Variants in ZMYM2 observed in about 807,000 individuals in gnomAD.
The protein encoded by ZMYM2 is zinc finger MYM-type protein 2.
In ZMYM2, 56 loss-of-function variants were observed where a neutral mutation model predicts 162.8. The observed-to-expected ratio is 0.34, with a 90% CI of 0.28 to 0.43. ZMYM2 has a LOEUF of 0.43. Among genes scored for constraint, ZMYM2 ranks in the 20% least tolerant of loss-of-function variants. ZMYM2 has a pLI of 1.00. For synonymous variants in ZMYM2, 510 were observed against 541.6 expected, an observed-to-expected ratio of 0.94 and a Z score of 0.81; for missense variants, 1,275 against 1,621.8, an observed-to-expected ratio of 0.79 and a Z score of 3.67.
the ZMYM2 span, among the ~76,000 whole-genome samples, chr13:19,932,441 A>T: frequency 4.6e-4 from 70 of 152,142 alleles, 1 homozygote; most frequent in South Asian, 0.014. Flanking sequence ...TGAGGTCAGG[A>T]GTTCAAGACC....
rs1320062202 is a variant in ZMYM2, at chr13:20,052,426, T to TAC, written c.2493+116_2493+117dup. 3.4e-6 allele frequency: 3 copies of TAC among 871,112 alleles called. No homozygotes were observed. The East Asian group carries it at 8.3e-5, about 24-fold the overall frequency. 54.0% of individuals were successfully genotyped at this position (871,112 alleles called of 1,614,324 possible). On this transcript the variant is annotated intron_variant, in intron 14 of 24. Coordinates refer to ENST00000610343, the MANE Select transcript of ZMYM2 (RefSeq NM_197968.4). ...AATTTTTTTGGTTTTTTTTTTGCTT[T>TAC]ACTGAGACGGTGGAGTATTCAGCTG...
rs564578906 is a variant in ZMYM2 at position 19,994,650 on chromosome 13, T to G, written c.847+731T>G. ...GATTATAGGCGTCCACCACCACGCA[T>G]GGCTAATTTTTGTATTTTGTATGGG... On this transcript the variant is annotated intron_variant, in intron 3 of 24. Transcript: ENST00000610343. Among the ~76,000 whole-genome samples, 7 of 152,046 alleles carry G rather than the reference T, an allele frequency of 4.6e-5. No homozygotes were observed. In the South Asian group the frequency reaches 1.5e-3, roughly 32 times the overall value.
intron 6 of ZMYM2, among the ~76,000 whole-genome samples, chr13:20,015,050 C>T (rs996070035): frequency 2.0e-5 from 3 of 151,954 alleles, no homozygotes; most frequent in Admixed American, 1.3e-4. Flanking sequence ...TGTGAGCCAC[C>T]GTGCCTGGAC....
chr13:20,066,787 G>C (rs1956713762), intron 19 of ZMYM2, 64 bp from the exon 20 acceptor site: 3 of 1,417,918 alleles, frequency 2.1e-6, no homozygotes, highest in Non-Finnish European at 2.8e-6. Flanking sequence ...GAGATGGCTT[G>C]TATAAAGTAA....
intron 2 of ZMYM2, among the ~76,000 whole-genome samples, chr13:19,984,368 T>C (rs780896518): frequency 6.6e-6 from 1 of 152,204 alleles, no homozygotes; most frequent in Non-Finnish European, 1.5e-5. Context: ...GCTTAAAAAT[T>C]AATTGGAAAC....
intron 6 of ZMYM2, among the ~76,000 whole-genome samples, chr13:20,010,755 C>T (rs1163944056): frequency 1.3e-5 from 2 of 152,172 alleles, no homozygotes; most frequent in African/African-American, 4.8e-5. Context: ...ATTCTCCTGC[C>T]TCAGCCTCCT....
intron 12 of ZMYM2, among the ~76,000 whole-genome samples, chr13:20,041,989 AT>A (rs1315034786): frequency 6.6e-6 from 1 of 151,902 alleles, no homozygotes; most frequent in African/African-American, 2.4e-5. Context: ...GCCTTTTAAC[AT>A]TTTTTCTTTC....
chr13:20,037,982 G>A (rs1953888758), intron 12 of ZMYM2, among the ~76,000 whole-genome samples: 1 of 152,024 alleles, frequency 6.6e-6, no homozygotes, highest in Non-Finnish European at 1.5e-5. Context: ...AGTGTCTGTT[G>A]TTCCCCTGTA....
At position 20,006,494 on chromosome 13, in the gene ZMYM2, T is replaced by G; in HGVS notation, c.1420T>G (p.Leu474Val). 1 of 1,613,860 alleles carries G rather than the reference T, an allele frequency of 6.2e-7. No homozygotes were observed. The highest frequency in any genetic ancestry group is 8.5e-7 in the Non-Finnish European group (1 of 1,179,834). The change falls in exon 6 of 25, where the codon TTG (leucine) becomes GTG (valine). Residue 474 changes from leucine (L) to valine (V), a missense_variant. Leu to Val is a conservative substitution (Grantham distance 32, BLOSUM62 1). This residue lies in a region of ZMYM2 where 276 missense variants were observed against 311.8 expected (regional missense o/e 0.89). Transcript: ENST00000610343. ...MNCCEQCGEY[L>V]PSKGAGNNVL... ...TTGCTGTGAACAGTGTGGAGAGTAC[T>G]TGCCCAGTAAAGGTGCTGGAAATAA...
intron 12 of ZMYM2, among the ~76,000 whole-genome samples, chr13:20,049,407 A>G (rs1011434935): frequency 6.6e-6 from 1 of 151,978 alleles, no homozygotes; most frequent in African/African-American, 2.4e-5. Context: ...GTTTAATTTT[A>G]TGCCCTTGAT....
chr13:19,993,381 A>C lies in ZMYM2; in HGVS notation c.309A>C (p.Ser103=), dbSNP rs1157103116. 6.2e-7 allele frequency: 1 copy of C among 1,613,742 alleles called. No individual in the cohort carries two copies. Among genetic ancestry groups the C allele is most frequent in the Non-Finnish European group, 8.5e-7 (1 of 1,179,808 alleles). The change falls in exon 3 of 25, where the codon TCA becomes TCC. Residue 103 remains serine, a synonymous_variant. Transcript: ENST00000610343. ...ATGATTCCAAAATTACTCCTTCCTC[A>C]AAAGAGTTGGCATCTCAGAAGGGAA... ...QGNDSKITPS[S]KELASQKGSV... is the part of the protein sequence containing the mutation.
At chr13:19,877,209 C>CT in the ZMYM2 span, among the ~76,000 whole-genome samples, 1 of 38,916 alleles carries the variant, frequency 2.6e-5, no homozygotes, top group African/African-American at 6.5e-5. Flanking sequence ...GAGACTCCGT[C>CT]TCAAAAAAAA....
chr13:19,899,045 CGG>C, the ZMYM2 span, among the ~76,000 whole-genome samples: 1 of 151,726 alleles, frequency 6.6e-6, no homozygotes, highest in Non-Finnish European at 1.5e-5. Context: ...CTCCGCCTCC[CGG>C]GTTTAAGCAA....
chr13:19,937,954 C>T, the ZMYM2 span, among the ~76,000 whole-genome samples: 1 of 152,144 alleles, frequency 6.6e-6, no homozygotes, highest in South Asian at 2.1e-4. Context: ...CATGACCCTA[C>T]AAAGGACATG....
intron 2 of ZMYM2, 108 bp from the exon 3 acceptor site, chr13:19,992,955 A>G (rs1418061910): frequency 1.6e-6 from 2 of 1,234,982 alleles, no homozygotes. Context: ...GAATCACTTC[A>G]TTTAGAATAA....
At chr13:19,896,636 A>T in the ZMYM2 span, among the ~76,000 whole-genome samples, 1 of 150,860 alleles carries the variant, frequency 6.6e-6, no homozygotes, top group East Asian at 2.0e-4. Context: ...GGGCGCCTGT[A>T]GTCCCAGCTA....
At chr13:19,946,065 C>T in the ZMYM2 span, among the ~76,000 whole-genome samples, 1 of 151,650 alleles carries the variant, frequency 6.6e-6, no homozygotes. Flanking sequence ...TAACTATCAT[C>T]AACTCACTTC....
intron 2 of ZMYM2, among the ~76,000 whole-genome samples, chr13:19,985,549 A>G (rs1050198178): frequency 2.0e-5 from 3 of 152,056 alleles, no homozygotes; most frequent in Non-Finnish European, 2.9e-5. Context: ...TTTAAAAACA[A>G]TAAGAGCTGT....
chr13:19,964,966 C>A (rs1479462858), intron 2 of ZMYM2, among the ~76,000 whole-genome samples: 1 of 152,040 alleles, frequency 6.6e-6, no homozygotes, highest in Non-Finnish European at 1.5e-5. Flanking sequence ...TCTAACCATG[C>A]ATTTAGGTTG....
Sources: gnomAD v4.1 joint callset for allele counts (sites outside exome capture counted in the v4.1 genomes callset) on GRCh38, gnomAD v4.1.1 for gene constraint, gnomAD v4.1.1 regional missense constraint, MANE v1.5 for transcripts, NCBI Gene and HGNC (gene_info 2026-07-23, HGNC 2026-07-21) for gene names.